PPM1H: variants seen among roughly 807,000 people sequenced by gnomAD.
PPM1H encodes protein phosphatase, Mg2+/Mn2+ dependent 1H, also known as protein phosphatase 1H.
Under a neutral mutation model 54.9 loss-of-function variants are expected in PPM1H, and 27 were observed. That is an observed-to-expected ratio of 0.49 (90% CI 0.36 to 0.68). The LOEUF (loss-of-function observed/expected upper bound fraction) is 0.68. Among genes scored for constraint, PPM1H ranks in the 30% least tolerant of loss-of-function variants. The pLI, the probability that PPM1H is intolerant of heterozygous loss-of-function variation, is 0.00. For missense variants in PPM1H, 596 were observed against 667.8 expected, an observed-to-expected ratio of 0.89 and a Z score of 1.19; for synonymous variants, 305 against 270.8, an observed-to-expected ratio of 1.13 and a Z score of -1.24.
At chr12:62,716,043 C>A (rs1055394096) in intron 6 of PPM1H, among the ~76,000 whole-genome samples, 1 of 152,118 alleles carries the variant, frequency 6.6e-6, no homozygotes, top group Non-Finnish European at 1.5e-5. Flanking sequence ...TTAGAAAGAA[C>A]CCCAACAAAA....
rs1463515317 is a variant in PPM1H at position 62,646,988 on chromosome 12, G to C, written c.*1501C>G. The C allele has an allele frequency of 2.0e-5, 3 of 152,234 alleles. No individual in the cohort carries two copies. Among genetic ancestry groups the C allele is most frequent in the Admixed American group, 2.0e-4 (3 of 15,284 alleles). The allele number at this position is 152,234 out of a possible 1,614,324, so 9.4% of individuals were successfully genotyped here. On this transcript the variant is annotated 3_prime_UTR_variant, in exon 10 of 10. Transcript: ENST00000228705. ...CTTTTTTCCTTTTTGGGTCAGAAGAGTGTTTTAATTACTCAAAGTTGTCAA... is the reference window on the plus strand; with the variant it reads ...CTTTTTTCCTTTTTGGGTCAGAAGACTGTTTTAATTACTCAAAGTTGTCAA...
intron 1 of PPM1H, among the ~76,000 whole-genome samples, chr12:62,884,230 G>A (rs538331456): frequency 8.6e-5 from 13 of 152,042 alleles, no homozygotes; most frequent in African/African-American, 2.9e-4. Context: ...ACTCAAACCT[G>A]TAATCCCAGC....
rs375693103 is a variant in PPM1H, at chr12:62,917,770, G to A, written c.245+16722C>T. ...TTCTGGAGACGATATTATAACCTGTGCTTGGTGCTCATTCTTCATGCTGTA... is the reference window on the plus strand; with the variant it reads ...TTCTGGAGACGATATTATAACCTGTACTTGGTGCTCATTCTTCATGCTGTA... On this transcript the variant is annotated intron_variant, in intron 1 of 9. Transcript: ENST00000228705. 8.6e-4 allele frequency among the ~76,000 whole-genome samples: 131 copies of A among 151,910 alleles called. 1 individual carries two copies. In the East Asian group the frequency reaches 0.013, roughly 15 times the overall value.
In PPM1H at chr12:62,934,364, C is replaced by G; in HGVS notation, c.245+128G>C. ...TGGCCAGTGTAAGTAAAGAGCTCCC[C>G]GCCGAGGCCTGGACGCCGGCAGCTA... On this transcript the variant is annotated intron_variant, in intron 1 of 9. Coordinates refer to ENST00000228705, the MANE Select transcript of PPM1H (RefSeq NM_020700.2). The surrounding 1 kb of genome is among the most constrained non-coding windows in gnomAD (Gnocchi z 4.2). 7.7e-7 allele frequency: 1 copy of G among 1,295,922 alleles called. No homozygotes were observed. The highest frequency in any genetic ancestry group is 1.0e-6 in the Non-Finnish European group (1 of 987,800). The allele number at this position is 1,295,922 out of a possible 1,614,324, so 80.3% of individuals were successfully genotyped here.
At chr12:62,871,109 T>C (rs980001321) in intron 1 of PPM1H, among the ~76,000 whole-genome samples, 1 of 152,208 alleles carries the variant, frequency 6.6e-6, no homozygotes. Flanking sequence ...TGTACATTAA[T>C]GTTCATAACA....
intron 2 of PPM1H, among the ~76,000 whole-genome samples, chr12:62,819,820 G>A (rs565623976): frequency 2.6e-5 from 4 of 152,324 alleles, no homozygotes; most frequent in East Asian, 3.9e-4. Context: ...CAAGATGGCC[G>A]AATGGAAACA....
intron 3 of PPM1H, among the ~76,000 whole-genome samples, chr12:62,799,270 A>G (rs1426799244): frequency 1.3e-5 from 2 of 152,240 alleles, no homozygotes; most frequent in Non-Finnish European, 2.9e-5. Flanking sequence ...ATTAATGGGC[A>G]GGAACAGCCT....
At chr12:62,741,837 G>A (rs939937485) in intron 4 of PPM1H, among the ~76,000 whole-genome samples, 2 of 152,148 alleles carry the variant, frequency 1.3e-5, no homozygotes, top group African/African-American at 4.8e-5. Context: ...AATAGATGAA[G>A]GGGGAGCTGG....
intron 1 of PPM1H, among the ~76,000 whole-genome samples, chr12:62,902,206 C>T (rs1871179777): frequency 1.3e-5 from 2 of 151,694 alleles, no homozygotes; most frequent in Non-Finnish European, 2.9e-5. Flanking sequence ...ACTAAAAATA[C>T]AAAAATTAGC....
intron 4 of PPM1H, among the ~76,000 whole-genome samples, chr12:62,742,927 T>C (rs377272032): frequency 4.9e-4 from 75 of 152,366 alleles, no homozygotes; most frequent in African/African-American, 1.8e-3. Flanking sequence ...AGCTGAAATT[T>C]ATATGACATT....
chr12:62,699,942 CA>C (rs1190812669), intron 6 of PPM1H, among the ~76,000 whole-genome samples: 1 of 152,188 alleles, frequency 6.6e-6, no homozygotes, highest in East Asian at 1.9e-4. Context: ...GACATTCCTT[CA>C]AATCCCTCTT....
At chr12:62,807,201 A>G (rs1048703777) in intron 2 of PPM1H, among the ~76,000 whole-genome samples, 5 of 152,212 alleles carry the variant, frequency 3.3e-5, no homozygotes, top group African/African-American at 1.2e-4. Flanking sequence ...TACAGGACAC[A>G]TGAAGGATCC....
intron 2 of PPM1H, 58 bp downstream of exon 2, chr12:62,832,056 G>T: frequency 6.4e-7 from 1 of 1,568,860 alleles, no homozygotes; most frequent in Non-Finnish European, 8.8e-7. Context: ...TCTTCCAGTG[G>T]GACCAAAGTG....
At chr12:62,917,562 G>T (rs955808120) in intron 1 of PPM1H, among the ~76,000 whole-genome samples, 9 of 152,118 alleles carry the variant, frequency 5.9e-5, no homozygotes, top group African/African-American at 2.2e-4. Context: ...GATTTTGTTT[G>T]CTTCACTGAT....
chr12:62,834,186 C>T (rs1228367771), intron 1 of PPM1H, among the ~76,000 whole-genome samples: 1 of 152,060 alleles, frequency 6.6e-6, no homozygotes, highest in Non-Finnish European at 1.5e-5. Flanking sequence ...GTCAAATTGG[C>T]CTCGGGGGCT....
intron 1 of PPM1H, among the ~76,000 whole-genome samples, chr12:62,912,413 G>A (rs1461822329): frequency 6.6e-6 from 1 of 152,094 alleles, no homozygotes; most frequent in African/African-American, 2.4e-5. Context: ...CTTCTCTCAG[G>A]AAGGACAGGG....
intron 8 of PPM1H, among the ~76,000 whole-genome samples, chr12:62,686,448 C>G (rs1024863155): frequency 1.3e-5 from 2 of 152,204 alleles, no homozygotes; most frequent in African/African-American, 2.4e-5. Flanking sequence ...ACAAATGCCT[C>G]TCTTGTAAGG....
chr12:62,685,876 A>G (rs1268909404), intron 8 of PPM1H, among the ~76,000 whole-genome samples: 1 of 151,054 alleles, frequency 6.6e-6, no homozygotes, highest in Non-Finnish European at 1.5e-5. Flanking sequence ...ACTATATCCC[A>G]TCGATATACA....
At chr12:62,690,645 G>A (rs1204976115) in intron 7 of PPM1H, among the ~76,000 whole-genome samples, 1 of 152,154 alleles carries the variant, frequency 6.6e-6, no homozygotes, top group Non-Finnish European at 1.5e-5. Flanking sequence ...CATATGTTGG[G>A]GACACAAATG....
Sources: allele counts gnomAD v4.1 joint callset (sites outside exome capture counted in the v4.1 genomes callset), GRCh38; gene constraint gnomAD v4.1.1; non-coding constraint Gnocchi (gnomAD v3.1); transcripts MANE v1.5; gene names NCBI Gene and HGNC (gene_info 2026-07-23, HGNC 2026-07-21).